Variants in EPHA5 observed in about 807,000 individuals in gnomAD.
EPHA5 encodes the protein ephrin type-A receptor 5.
A neutral mutation model predicts 105.0 loss-of-function variants in EPHA5; 60 were observed. That is an observed-to-expected ratio of 0.57 (90% CI 0.46 to 0.71). The LOEUF is 0.71. Ranked by LOEUF, EPHA5 falls within the 30% of genes least tolerant of loss-of-function variation. The pLI, the probability that EPHA5 is intolerant of heterozygous loss-of-function variation, is 0.00. For missense variants in EPHA5, 1,218 were observed against 1,274.7 expected (o/e 0.96, Z 0.68); for synonymous variants, 513 against 449.1 (o/e 1.14, Z -1.80).
intron 8 of EPHA5, among the ~76,000 whole-genome samples, chr4:65,402,432 G>A (rs1163529371): frequency 2.0e-5 from 3 of 152,248 alleles, no homozygotes; most frequent in Admixed American, 1.3e-4. Flanking sequence ...TAATGTGAAA[G>A]ATGCCACATA....
At chr4:65,456,964 T>C (rs1727659812) in intron 5 of EPHA5, among the ~76,000 whole-genome samples, 1 of 152,150 alleles carries the variant, frequency 6.6e-6, no homozygotes, top group East Asian at 1.9e-4. Flanking sequence ...GAACATTATA[T>C]GCATTATAAA....
intron 3 of EPHA5, among the ~76,000 whole-genome samples, chr4:65,561,047 A>G (rs1408603554): frequency 1.3e-5 from 2 of 152,048 alleles, no homozygotes; most frequent in African/African-American, 4.8e-5. Context: ...ATTAGTAAGT[A>G]CAAGGCATTT....
intron 4 of EPHA5, among the ~76,000 whole-genome samples, chr4:65,492,480 A>T (rs1041407405): frequency 6.6e-4 from 98 of 148,790 alleles, no homozygotes; most frequent in African/African-American, 2.3e-3. Context: ...GAGATTACAG[A>T]CGTGAGCCAC....
At chr4:65,352,289 T>C (rs2148857977) in intron 12 of EPHA5, among the ~76,000 whole-genome samples, 1 of 152,146 alleles carries the variant, frequency 6.6e-6, no homozygotes, top group Admixed American at 6.6e-5. Context: ...ATCAAATTCA[T>C]TGCATAGGTC....
At position 65,621,082 on chromosome 4, in the gene EPHA5, C is replaced by T. The variant is rs1578604318; in HGVS notation, c.247-18778G>A. ...TTAGAAAAAATAAATTGAGTAATTG[C>T]TAACCTCAGATATGGTCTTGGGAAA... is the stretch of plus-strand genomic sequence containing the variant. On this transcript the variant is annotated intron_variant, in intron 2 of 16. Coordinates refer to ENST00000613740, the MANE Select transcript of EPHA5 (RefSeq NM_001281766.3). Among the ~76,000 whole-genome samples the T allele has an allele frequency of 3.3e-5, 5 of 152,190 alleles. No homozygotes were observed. In the South Asian group the frequency reaches 6.2e-4, roughly 19 times the overall value.
rs373719926 is a variant in EPHA5 at position 65,601,747 on chromosome 4, G to T, written c.804C>A (p.Thr268=). Residue 268 remains threonine, a synonymous_variant, in exon 3 of 17, where the codon ACC becomes ACA. Coordinates refer to ENST00000613740, the MANE Select transcript of EPHA5 (RefSeq NM_001281766.3). The part of the protein sequence containing the change: ...VSGSCVNHSV[T]DEPPKMHCSA... ...TGCAGTGCATTTTGGGAGGTTCATCGGTCACAGAATGGTTGACACAGGAGC... is the reference window on the plus strand; with the variant it reads ...TGCAGTGCATTTTGGGAGGTTCATCTGTCACAGAATGGTTGACACAGGAGC... 1.9e-6 allele frequency: 3 copies of T among 1,614,052 alleles called. No individual in the cohort carries two copies. The highest frequency in any genetic ancestry group is 2.5e-6 in the Non-Finnish European group (3 of 1,180,002).
In EPHA5 at chr4:65,490,568, A is replaced by G. The variant is rs2149213545; in HGVS notation, c.1211T>C (p.Val404Ala). 6.2e-7 allele frequency: 1 copy of G among 1,614,128 alleles called. No individual in the cohort carries two copies. The highest frequency in any genetic ancestry group is 8.5e-7 in the Non-Finnish European group (1 of 1,180,016). ...ACKKCNSHAG[V>A]CEECGGHVRY... ...GACATGACCGCCACACTCCTCACAC[A>G]CACCTGCATGGGAGTTGCACTTCTT... The change falls in exon 5 of 17, where the codon GTG (valine) becomes GCG (alanine). Residue 404 changes from valine to alanine, a missense_variant. By Grantham distance (64) the Val-to-Ala change is moderately conservative (BLOSUM62 0). Transcript: ENST00000613740.
rs570376429 is a variant in EPHA5 at position 65,537,911 on chromosome 4, C to T, written c.911-42368G>A. 1.3e-4 allele frequency among the ~76,000 whole-genome samples: 20 copies of T among 151,764 alleles called. No homozygotes were observed. The South Asian group carries it at 2.5e-3, about 19-fold the overall frequency. On this transcript the variant is annotated intron_variant, in intron 3 of 16. Coordinates refer to ENST00000613740, the MANE Select transcript of EPHA5 (RefSeq NM_001281766.3). ...AAATTATTTTGTTATTTAAAAACCTCGAAATCAAGAGTATCACTTAATAAT... is the reference window on the plus strand; with the variant it reads ...AAATTATTTTGTTATTTAAAAACCTTGAAATCAAGAGTATCACTTAATAAT...
chr4:65,466,808 A>G (rs182652941), intron 5 of EPHA5, among the ~76,000 whole-genome samples: 14 of 152,338 alleles, frequency 9.2e-5, no homozygotes, highest in African/African-American at 3.4e-4. Context: ...TAGACTCCTC[A>G]TCCATGTGGC....
Position 65,601,795 on chromosome 4 carries a change from AGAATCAGCTCCAGTGATG to A in EPHA5, c.738_755del (p.Ile247_Ser252del), listed in dbSNP as rs1472487117. ...AGCCTGACACTTCGAGCAATTGGGA[AGAATCAGCTCCAGTGATG>A]GTGTCAGGGAAGACAGCCAAGTGTC... On this transcript the variant is annotated inframe_deletion, in exon 3 of 17. Coordinates refer to ENST00000613740, the MANE Select transcript of EPHA5 (RefSeq NM_001281766.3). 1 of 1,614,182 alleles carries A rather than the reference AGAATCAGCTCCAGTGATG, an allele frequency of 6.2e-7. No individual in the cohort carries two copies.
chr4:65,597,215 C>T (rs1221066615), intron 3 of EPHA5, among the ~76,000 whole-genome samples: 1 of 152,144 alleles, frequency 6.6e-6, no homozygotes, highest in African/African-American at 2.4e-5. Flanking sequence ...AAATCTCTTT[C>T]CTCCATTTGA....
At chr4:65,575,996 GAGAGAGAA>G (rs1232479368) in intron 3 of EPHA5, among the ~76,000 whole-genome samples, 236 of 63,194 alleles carry the variant, frequency 3.7e-3, no homozygotes, top group Middle Eastern at 7.6e-3. Context: ...GAGAGAGAGA[GAGAGAGAA>G]AGAAAGAAAG....
chr4:65,333,310 T>C (rs1560419492), intron 15 of EPHA5, among the ~76,000 whole-genome samples: 1 of 151,772 alleles, frequency 6.6e-6, no homozygotes, highest in Non-Finnish European at 1.5e-5. Flanking sequence ...CCATTTACCC[T>C]TGAGTATAGT....
chr4:65,511,463 T>G (rs1355153152), intron 3 of EPHA5, among the ~76,000 whole-genome samples: 1 of 152,138 alleles, frequency 6.6e-6, no homozygotes, highest in Non-Finnish European at 1.5e-5. Context: ...AATGGTAAGA[T>G]TTCATCAATG....
intron 8 of EPHA5, among the ~76,000 whole-genome samples, chr4:65,387,810 A>C (rs1164715108): frequency 1.3e-5 from 2 of 151,590 alleles, no homozygotes; most frequent in African/African-American, 4.8e-5. Flanking sequence ...TTTTTTTTGT[A>C]TGTCTCATTC....
intron 5 of EPHA5, among the ~76,000 whole-genome samples, chr4:65,432,012 C>T (rs1725026498): frequency 6.6e-6 from 1 of 151,992 alleles, no homozygotes; most frequent in Non-Finnish European, 1.5e-5. Context: ...ATTAGTTTCT[C>T]AAAATTTATG....
intron 5 of EPHA5, among the ~76,000 whole-genome samples, chr4:65,481,571 C>A (rs1385456494): frequency 6.6e-6 from 1 of 152,134 alleles, no homozygotes. Context: ...TGGAAGAAAG[C>A]AATATTCTTT....
chr4:65,616,928 T>C (rs1745292896), intron 2 of EPHA5, among the ~76,000 whole-genome samples: 1 of 152,116 alleles, frequency 6.6e-6, no homozygotes, highest in Non-Finnish European at 1.5e-5. Context: ...AGTTGAAATC[T>C]TTGTGAACTC....
At chr4:65,642,260 G>T (rs1399087753) in intron 2 of EPHA5, among the ~76,000 whole-genome samples, 2 of 152,034 alleles carry the variant, frequency 1.3e-5, no homozygotes, top group Non-Finnish European at 2.9e-5. Flanking sequence ...GGTTCTCATA[G>T]ACAGATGTTA....
Sources: allele counts gnomAD v4.1 joint callset (sites outside exome capture counted in the v4.1 genomes callset), GRCh38; gene constraint gnomAD v4.1.1; transcripts MANE v1.5; gene names NCBI Gene and HGNC (gene_info 2026-07-23, HGNC 2026-07-21).